Variants in PTPRN2 observed in about 807,000 individuals in gnomAD.
The protein encoded by PTPRN2 is receptor-type tyrosine-protein phosphatase N2.
A neutral mutation model predicts 118.8 loss-of-function variants in PTPRN2; 74 were observed. The ratio of observed to expected loss-of-function variants is 0.62; its 90% CI spans 0.52 to 0.76. The LOEUF (loss-of-function observed/expected upper bound fraction) is 0.76, where lower values mean the gene tolerates loss of function less well. PTPRN2 is among the 30% of genes least tolerant of loss of function. The pLI is 0.00. For synonymous variants in PTPRN2, 641 were observed against 608.0 expected (o/e 1.05, Z -0.80); for missense variants, 1,481 against 1,394.4 (o/e 1.06, Z -0.99).
intron 12 of PTPRN2, among the ~76,000 whole-genome samples, chr7:157,776,235 T>C (rs1195492006): frequency 5.6e-4 from 29 of 51,550 alleles, no homozygotes; most frequent in South Asian, 1.6e-3. Flanking sequence ...CCTTCTCATC[T>C]TCCTCCCTCC....
chr7:158,084,966 A>C lies in PTPRN2; in HGVS notation c.1644-3589T>G, dbSNP rs560959469. On this transcript the variant is annotated intron_variant, in intron 10 of 22. Coordinates refer to ENST00000389418, the MANE Select transcript of PTPRN2 (RefSeq NM_002847.5). ...CCATCCACACCCACGACGCCCATCC[A>C]CACCCACGACGCCCATCCACACGGA... 8.0e-3 allele frequency among the ~76,000 whole-genome samples: 1,049 copies of C among 131,152 alleles called. 8 individuals carry two copies. Among genetic ancestry groups the C allele is most frequent in the African/African-American group, 0.03 (1,003 of 33,484 alleles). 86.0% of individuals were successfully genotyped at this position (131,152 alleles called of 152,430 possible). A position where few individuals can be genotyped will look rare whatever the true frequency, so the allele number is the denominator to read the frequency against.
At chr7:158,534,554 G>C (rs986705645) in intron 1 of PTPRN2, among the ~76,000 whole-genome samples, 18 of 152,142 alleles carry the variant, frequency 1.2e-4, no homozygotes, top group African/African-American at 4.1e-4. Context: ...CTGCGACTCT[G>C]CCCCAACTGC....
chr7:158,277,658 T>C (rs1377372), intron 3 of PTPRN2, among the ~76,000 whole-genome samples: 145,345 of 152,218 alleles, frequency 0.95, 69,442 homozygotes, highest in African/African-American at 0.99. Context: ...CTGGGACATA[T>C]AGCTCTGGCC....
chr7:158,116,556 T>C (rs4582501), intron 9 of PTPRN2, among the ~76,000 whole-genome samples: 41,080 of 152,222 alleles, frequency 0.27, 5,708 homozygotes, highest in South Asian at 0.4. Flanking sequence ...GAACAGGCAA[T>C]ACAGATGTTG....
chr7:158,354,686 C>A (rs1808250811), intron 2 of PTPRN2, among the ~76,000 whole-genome samples: 1 of 152,068 alleles, frequency 6.6e-6, no homozygotes, highest in Non-Finnish European at 1.5e-5. Flanking sequence ...GAGAAAATTA[C>A]CTCAAAACAC....
chr7:158,079,848 C>T (rs941090879), intron 11 of PTPRN2, among the ~76,000 whole-genome samples: 21 of 152,174 alleles, frequency 1.4e-4, no homozygotes, highest in Non-Finnish European at 2.1e-4. Flanking sequence ...CGCACTGGAC[C>T]GCCCAGCTGG....
intron 5 of PTPRN2, among the ~76,000 whole-genome samples, chr7:158,187,935 A>G (rs1261353505): frequency 6.6e-6 from 1 of 152,158 alleles, no homozygotes; most frequent in Non-Finnish European, 1.5e-5. Flanking sequence ...CTGGTGGAAT[A>G]TTTGACATGA....
chr7:157,677,637 C>A (rs2150797422), intron 13 of PTPRN2, among the ~76,000 whole-genome samples: 1 of 152,282 alleles, frequency 6.6e-6, no homozygotes, highest in East Asian at 1.9e-4. Flanking sequence ...TTCCATGGAG[C>A]CTGCAGAAAC....
rs1802663783 is a variant in PTPRN2 at position 157,615,009 on chromosome 7, C to T, written c.2344+6353G>A. Among the ~76,000 whole-genome samples the T allele has an allele frequency of 6.6e-6, 1 of 152,238 alleles. No individual in the cohort carries two copies. The highest frequency in any genetic ancestry group is 1.5e-5 in the Non-Finnish European group (1 of 68,052). ...CTTAGTTATAACGGGGCTGCAGCTA[C>T]CTAGGAGAAGGCCCTTGTATTTAGG... On this transcript the variant is annotated intron_variant, in intron 15 of 22. Transcript: ENST00000389418. The surrounding 1 kb of genome is among the most constrained non-coding windows in gnomAD (Gnocchi z 4.3).
rs1388775304 is a variant in PTPRN2, at chr7:158,524,309, GGCCCTGGAGTGGAGTCT to G, written c.113-34541_113-34525del. ...GAGTCGTCTGCCCTGGAGTGGAGTC[GGCCCTGGAGTGGAGTCT>G]GCCCTGGAGTGGAGTCGTCTACCCT... On this transcript the variant is annotated intron_variant, in intron 1 of 22. Transcript: ENST00000389418. Among the ~76,000 whole-genome samples, 39 of 21,416 alleles carry G rather than the reference GGCCCTGGAGTGGAGTCT, an allele frequency of 1.8e-3. 3 individuals carry two copies. Among genetic ancestry groups the G allele is most frequent in the African/African-American group, 6.2e-3 (38 of 6,172 alleles). The allele number at this position is 21,416 out of a possible 152,430, so 14.0% of individuals were successfully genotyped here. A position where few individuals can be genotyped will look rare whatever the true frequency, so the allele number is the denominator to read the frequency against.
At chr7:157,847,928 G>C (rs1255680910) in intron 12 of PTPRN2, among the ~76,000 whole-genome samples, 1 of 147,308 alleles carries the variant, frequency 6.8e-6, no homozygotes, top group African/African-American at 2.5e-5. Context: ...ATGTGTGCCC[G>C]ATGTCTACAG....
chr7:158,289,222 A>AT (rs1271788058), intron 3 of PTPRN2, among the ~76,000 whole-genome samples: 1 of 152,170 alleles, frequency 6.6e-6, no homozygotes, highest in Non-Finnish European at 1.5e-5. Flanking sequence ...TTTCCCCAGA[A>AT]TTGGAATGTT....
chr7:158,070,604 G>A lies in PTPRN2; in HGVS notation c.1723+10694C>T, dbSNP rs1270683529. Among the ~76,000 whole-genome samples the A allele has an allele frequency of 1.8e-4, 23 of 128,954 alleles. 2 individuals carry two copies. Among genetic ancestry groups the A allele is most frequent in the African/African-American group, 7.1e-4 (21 of 29,414 alleles). The allele number at this position is 128,954 out of a possible 152,430, so 84.6% of individuals were successfully genotyped here. On this transcript the variant is annotated intron_variant, in intron 11 of 22. Transcript: ENST00000389418. ...GGTGGTGGAGGTGCCTGTGGTGGAG[G>A]TGCTCCTGGTGGTGGAGGTGCCCCT...
Position 157,603,856 on chromosome 7 carries a change from C to A in PTPRN2, c.2418+146G>T. On this transcript the variant is annotated intron_variant, in intron 16 of 22. Coordinates refer to ENST00000389418, the MANE Select transcript of PTPRN2 (RefSeq NM_002847.5). The surrounding 1 kb of genome is among the most constrained non-coding windows in gnomAD (Gnocchi z 5.4). ...TGAAGGAACAGGGGAGTGGCGGGAGCCCAATGGGCAGAGTCGGCCCTGTCC... is the reference window on the plus strand; with the variant it reads ...TGAAGGAACAGGGGAGTGGCGGGAGACCAATGGGCAGAGTCGGCCCTGTCC... 2 of 727,572 alleles carry A rather than the reference C, an allele frequency of 2.7e-6. No individual in the cohort carries two copies. Among genetic ancestry groups the A allele is most frequent in the Non-Finnish European group, 4.5e-6 (2 of 448,162 alleles). 45.1% of individuals were successfully genotyped at this position (727,572 alleles called of 1,614,324 possible). A position where few individuals can be genotyped will look rare whatever the true frequency, so the allele number is the denominator to read the frequency against.
chr7:158,322,809 G>C (rs557580094), intron 2 of PTPRN2, among the ~76,000 whole-genome samples: 3 of 152,388 alleles, frequency 2.0e-5, no homozygotes, highest in East Asian at 1.9e-4. Context: ...AGGCAGGGCA[G>C]GCTCTTGAAT....
At chr7:158,472,899 C>G (rs1176888820) in intron 2 of PTPRN2, among the ~76,000 whole-genome samples, 4 of 152,134 alleles carry the variant, frequency 2.6e-5, no homozygotes, top group Non-Finnish European at 5.9e-5. Context: ...ACTAGAGAAC[C>G]CGGCTGCAAA....
rs77470507 is a variant in PTPRN2 at position 157,699,200 on chromosome 7, T to C, written c.1789-16263A>G. Among the ~76,000 whole-genome samples the C allele has an allele frequency of 6.8e-3, 1,029 of 152,340 alleles. 52 individuals are homozygous for C. In the South Asian group the frequency reaches 0.13, roughly 19 times the overall value. Reference sequence around the variant, plus strand: ...ATAACTTAGCCATGTCCTGTTCACATATTCTTTAAGAAAAGTGCCTATGTA... The same window carrying C: ...ATAACTTAGCCATGTCCTGTTCACACATTCTTTAAGAAAAGTGCCTATGTA... On this transcript the variant is annotated intron_variant, in intron 12 of 22. Coordinates refer to ENST00000389418, the MANE Select transcript of PTPRN2 (RefSeq NM_002847.5).
At chr7:158,365,621 C>G (rs1809375207) in intron 2 of PTPRN2, among the ~76,000 whole-genome samples, 1 of 144,640 alleles carries the variant, frequency 6.9e-6, no homozygotes, top group Non-Finnish European at 1.5e-5. Flanking sequence ...CACACACCCA[C>G]AGCATCCCTG....
At chr7:157,890,424 G>A (rs1563212779) in intron 12 of PTPRN2, among the ~76,000 whole-genome samples, 1 of 152,178 alleles carries the variant, frequency 6.6e-6, no homozygotes, top group East Asian at 1.9e-4. Context: ...GGCGGATCAT[G>A]AGGTCAGGAC....
Sources: gnomAD v4.1 joint callset for allele counts (sites outside exome capture counted in the v4.1 genomes callset) on GRCh38, gnomAD v4.1.1 for gene constraint, Gnocchi (gnomAD v3.1) non-coding constraint, MANE v1.5 for transcripts, NCBI Gene and HGNC (gene_info 2026-07-23, HGNC 2026-07-21) for gene names.